CLEC3A: variants seen among roughly 807,000 people sequenced by gnomAD.
CLEC3A encodes C-type lectin domain family 3 member A.
In CLEC3A, 28 loss-of-function variants were observed where a neutral mutation model predicts 20.4. The ratio of observed to expected loss-of-function variants is 1.37; its 90% confidence interval spans 1.02 to 1.88. The LOEUF (loss-of-function observed/expected upper bound fraction) is 1.88. CLEC3A is among the 40% of genes most tolerant of loss of function. CLEC3A has a pLI of 0.00. For missense variants in CLEC3A, 357 were observed against 240.4 expected (o/e 1.48, Z -3.21); for synonymous variants, 110 against 88.1 (o/e 1.25, Z -1.39).
chr16:78,030,152 C>A (rs867355356), intron 2 of CLEC3A, among the ~76,000 whole-genome samples: 343 of 100,172 alleles, frequency 3.4e-3, no homozygotes, highest in South Asian at 7.9e-3. Flanking sequence ...GACTCCAACT[C>A]AAAAAAAAAA....
intron 2 of CLEC3A, 95 bp downstream of exon 2, chr16:78,028,285 C>A: frequency 1.2e-6 from 1 of 850,174 alleles, no homozygotes; most frequent in Non-Finnish European, 1.8e-6. Flanking sequence ...GAAACATTGA[C>A]AAATCAATAA....
intron 1 of CLEC3A, among the ~76,000 whole-genome samples, chr16:78,027,499 A>G (rs2029961358): frequency 6.6e-6 from 1 of 152,226 alleles, no homozygotes; most frequent in Non-Finnish European, 1.5e-5. Flanking sequence ...CAACAAGCCT[A>G]GAGTCACAGG....
At chr16:78,024,171 G>A (rs936299825) in intron 1 of CLEC3A, among the ~76,000 whole-genome samples, 3 of 152,128 alleles carry the variant, frequency 2.0e-5, no homozygotes, top group East Asian at 1.9e-4. Flanking sequence ...AGATGGTATC[G>A]AAAGGAGAGG....
chr16:78,027,183 G>A (rs774099278), intron 1 of CLEC3A, among the ~76,000 whole-genome samples: 2 of 151,992 alleles, frequency 1.3e-5, no homozygotes, highest in Non-Finnish European at 2.9e-5. Flanking sequence ...TTAAGCATCA[G>A]AAGAACCAAG....
At chr16:78,028,381 G>T (rs1407950569) in intron 2 of CLEC3A, among the ~76,000 whole-genome samples, 191 bp downstream of exon 2, 1 of 152,198 alleles carries the variant, frequency 6.6e-6, no homozygotes, top group Non-Finnish European at 1.5e-5. Context: ...CTATATATGG[G>T]TGGTATAGAA....
chr16:78,025,463 C>T (rs1437363045), intron 1 of CLEC3A, among the ~76,000 whole-genome samples: 1 of 152,164 alleles, frequency 6.6e-6, no homozygotes, highest in Non-Finnish European at 1.5e-5. Flanking sequence ...AACACCAATC[C>T]ATCTTCCCAT....
chr16:78,024,954 G>A (rs530257846), intron 1 of CLEC3A, among the ~76,000 whole-genome samples: 98 of 152,178 alleles, frequency 6.4e-4, no homozygotes, highest in African/African-American at 2.3e-3. Flanking sequence ...AGCCTCTCAA[G>A]TAGCTGGGAC....
intron 1 of CLEC3A, 34 bp downstream of exon 1, chr16:78,022,775 G>T: frequency 6.2e-7 from 1 of 1,609,090 alleles, no homozygotes; most frequent in Non-Finnish European, 8.5e-7. Flanking sequence ...AAAATTCTAG[G>T]CTTAGACAGT....
At chr16:78,023,856 C>G (rs1597150629) in intron 1 of CLEC3A, among the ~76,000 whole-genome samples, 1 of 151,124 alleles carries the variant, frequency 6.6e-6, no homozygotes, top group East Asian at 2.0e-4. Flanking sequence ...CTCCTGGGTT[C>G]ACGCCATTCT....
In CLEC3A at chr16:78,031,272, A is replaced by G. The variant is rs2030097340; in HGVS notation, c.*431A>G. 1 of 157,420 alleles carries G rather than the reference A, an allele frequency of 6.4e-6. No homozygotes were observed. The highest frequency in any genetic ancestry group is 1.4e-5 in the Non-Finnish European group (1 of 71,670). The allele number at this position is 157,420 out of a possible 1,614,324, so 9.8% of individuals were successfully genotyped here. ...CCCTACATCAGAGACTCTAGGTGCT[A>G]TATAATCCAAAAACTTTTCAGCCTG... is the stretch of plus-strand genomic sequence containing the variant. On this transcript the variant is annotated 3_prime_UTR_variant, in exon 3 of 3. Transcript: ENST00000299642.
chr16:78,027,153 A>C (rs919616164), intron 1 of CLEC3A, among the ~76,000 whole-genome samples: 2 of 152,226 alleles, frequency 1.3e-5, no homozygotes, highest in African/African-American at 2.4e-5. Context: ...ATGAACACCT[A>C]TTATGTACCA....
At position 78,030,888 on chromosome 16, in the gene CLEC3A, G is replaced by C; in HGVS notation, c.*47G>C. ...CAAGCAAGATTCATCATAACTTATA[G>C]GTTCATGATCTCTAAGATCAAGTAA... is the stretch of plus-strand genomic sequence containing the variant. On this transcript the variant is annotated 3_prime_UTR_variant, in exon 3 of 3. Transcript: ENST00000299642. 2.0e-6 allele frequency: 3 copies of C among 1,533,024 alleles called. No homozygotes were observed. The highest frequency in any genetic ancestry group is 2.6e-6 in the Non-Finnish European group (3 of 1,138,808). 95.0% of individuals were successfully genotyped at this position (1,533,024 alleles called of 1,614,324 possible).
Position 78,030,942 on chromosome 16 carries a change from T to A in CLEC3A, c.*101T>A. The A allele has an allele frequency of 7.5e-7, 1 of 1,330,638 alleles. No homozygotes were observed. The highest frequency in any genetic ancestry group is 2.4e-5 in the East Asian group (1 of 41,070). 82.4% of individuals were successfully genotyped at this position (1,330,638 alleles called of 1,614,324 possible). On this transcript the variant is annotated 3_prime_UTR_variant, in exon 3 of 3. Transcript: ENST00000299642. ...TCATAATTTTTACTTATTAAAAAAT[T>A]GCAACACAAGATCAATGTCCATAGC...
chr16:78,029,952 G>C (rs547201121), intron 2 of CLEC3A, among the ~76,000 whole-genome samples: 2 of 152,096 alleles, frequency 1.3e-5, no homozygotes, highest in South Asian at 2.1e-4. Flanking sequence ...AGGAGATCGA[G>C]ACCATCCTGG....
intron 2 of CLEC3A, among the ~76,000 whole-genome samples, chr16:78,028,592 G>A (rs1441744244): frequency 3.3e-5 from 5 of 152,194 alleles, no homozygotes; most frequent in Non-Finnish European, 7.3e-5. Flanking sequence ...GGTTAGAACC[G>A]CAGCTTGCCA....
At chr16:78,027,567 A>G (rs571556507) in intron 1 of CLEC3A, among the ~76,000 whole-genome samples, 2 of 152,188 alleles carry the variant, frequency 1.3e-5, no homozygotes, top group Non-Finnish European at 1.5e-5. Flanking sequence ...TAGTATTATG[A>G]TTGCCATGAA....
intron 1 of CLEC3A, among the ~76,000 whole-genome samples, chr16:78,026,291 G>C (rs1407474141): frequency 1.3e-5 from 2 of 152,208 alleles, no homozygotes; most frequent in Admixed American, 1.3e-4. Flanking sequence ...ATTAGCACAT[G>C]TGAATTTTAG....
At chr16:78,025,144 C>T (rs1203907516) in intron 1 of CLEC3A, among the ~76,000 whole-genome samples, 2 of 152,220 alleles carry the variant, frequency 1.3e-5, no homozygotes, top group Non-Finnish European at 2.9e-5. Context: ...AATTAAAATA[C>T]ATATTTTTAA....
intron 2 of CLEC3A, among the ~76,000 whole-genome samples, chr16:78,028,474 G>A (rs980442546): frequency 1.3e-5 from 2 of 152,224 alleles, no homozygotes; most frequent in African/African-American, 2.4e-5. Context: ...AATGAAGCCA[G>A]TATGAAATGA....
Sources: gnomAD v4.1 joint callset for allele counts (sites outside exome capture counted in the v4.1 genomes callset) on GRCh38, gnomAD v4.1.1 for gene constraint, MANE v1.5 for transcripts, NCBI Gene and HGNC (gene_info 2026-07-23, HGNC 2026-07-21) for gene names.